The following LRRC4C variants were observed in gnomAD, a reference collection of about 807,000 sequenced individuals.
LRRC4C encodes leucine-rich repeat-containing protein 4C.
Under a neutral mutation model 33.6 loss-of-function variants are expected in LRRC4C, and 5 were observed. The ratio of observed to expected loss-of-function variants is 0.15; its 90% CI spans 0.08 to 0.31. LRRC4C has a LOEUF of 0.31. LRRC4C is among the 10% of genes least tolerant of loss of function. The probability of loss-of-function intolerance (pLI) is 1.00; values close to 1 mark genes in which losing one functional copy is unlikely to be tolerated. For missense variants in LRRC4C, 560 were observed against 796.7 expected, an observed-to-expected ratio of 0.70 and a Z score of 3.58; for synonymous variants, 329 against 302.0, an observed-to-expected ratio of 1.09 and a Z score of -0.93.
chr11:41,317,380 C>G (rs1486638729), intron 1 of LRRC4C, among the ~76,000 whole-genome samples: 1 of 152,018 alleles, frequency 6.6e-6, no homozygotes, highest in South Asian at 2.1e-4. Context: ...GTTTCTTTCC[C>G]TTCTTTTCTA....
chr11:40,852,649 G>A (rs1480058896), intron 2 of LRRC4C, among the ~76,000 whole-genome samples: 1 of 152,046 alleles, frequency 6.6e-6, no homozygotes, highest in African/African-American at 2.4e-5. Context: ...TACTTAAAGG[G>A]AATGAAAATA....
intron 4 of LRRC4C, among the ~76,000 whole-genome samples, chr11:40,312,793 A>C (rs1482952505): frequency 6.6e-6 from 1 of 152,232 alleles, no homozygotes; most frequent in Admixed American, 6.5e-5. Flanking sequence ...AATCTGGATG[A>C]AAATGTAGTC....
chr11:40,927,236 T>C (rs113613076), intron 2 of LRRC4C, among the ~76,000 whole-genome samples: 27 of 152,080 alleles, frequency 1.8e-4, no homozygotes, highest in African/African-American at 6.5e-4. Context: ...TAGCCAGGTG[T>C]GGTGGTGCGC....
At chr11:40,294,353 A>G (rs1028487909) in intron 4 of LRRC4C, among the ~76,000 whole-genome samples, 6 of 152,150 alleles carry the variant, frequency 3.9e-5, no homozygotes, top group Admixed American at 1.3e-4. Flanking sequence ...AGTTTTTTCA[A>G]AAAGCTTGCC....
chr11:41,089,057 T>C (rs1940209919), intron 1 of LRRC4C, among the ~76,000 whole-genome samples: 1 of 152,186 alleles, frequency 6.6e-6, no homozygotes, highest in East Asian at 1.9e-4. Flanking sequence ...AGTATTTATA[T>C]ATTAACATAA....
chr11:40,956,097 G>A (rs1169168628), intron 1 of LRRC4C, among the ~76,000 whole-genome samples: 2 of 151,722 alleles, frequency 1.3e-5, no homozygotes. Flanking sequence ...GCGAGGTTGA[G>A]GGCTCTTGAA....
chr11:40,643,778 T>C (rs1942265374), intron 3 of LRRC4C, among the ~76,000 whole-genome samples: 1 of 152,072 alleles, frequency 6.6e-6, no homozygotes, highest in African/African-American at 2.4e-5. Context: ...TGCCCACTCA[T>C]ATATAAGCAA....
chr11:40,193,794 G>C (rs900247808), intron 5 of LRRC4C, among the ~76,000 whole-genome samples: 1 of 152,072 alleles, frequency 6.6e-6, no homozygotes, highest in African/African-American at 2.4e-5. Context: ...CACAGCACGA[G>C]ACCTTTGTGA....
chr11:40,546,612 C>T (rs1031008091), intron 3 of LRRC4C, among the ~76,000 whole-genome samples: 3 of 151,982 alleles, frequency 2.0e-5, no homozygotes, highest in Admixed American at 2.0e-4. Flanking sequence ...TTCATGGTCA[C>T]CCAACCTACA....
intron 2 of LRRC4C, among the ~76,000 whole-genome samples, chr11:40,779,285 G>T (rs185413732): frequency 6.6e-6 from 1 of 152,262 alleles, no homozygotes; most frequent in East Asian, 1.9e-4. Flanking sequence ...CATAAAAAAT[G>T]AATAGAAGAT....
intron 2 of LRRC4C, among the ~76,000 whole-genome samples, chr11:40,835,065 A>T (rs1016644698): frequency 1.3e-5 from 2 of 152,112 alleles, no homozygotes; most frequent in African/African-American, 4.8e-5. Context: ...CCCAAACTGT[A>T]GGACTATAGT....
At chr11:40,845,865 T>C (rs1443776023) in intron 2 of LRRC4C, among the ~76,000 whole-genome samples, 1 of 152,222 alleles carries the variant, frequency 6.6e-6, no homozygotes, top group Non-Finnish European at 1.5e-5. Flanking sequence ...TGTTTAATCA[T>C]GGCCAATCTA....
chr11:41,283,275 T>C (rs1949725218), intron 1 of LRRC4C, among the ~76,000 whole-genome samples: 1 of 152,190 alleles, frequency 6.6e-6, no homozygotes, highest in Non-Finnish European at 1.5e-5. Flanking sequence ...AAGTAAAAGA[T>C]TCATGTACGA....
At chr11:40,314,615 T>C (rs4755546) in intron 4 of LRRC4C, among the ~76,000 whole-genome samples, 149,831 of 152,248 alleles carry the variant, frequency 0.98, 73,803 homozygotes, top group Middle Eastern at 1. Flanking sequence ...TATTGCAGTA[T>C]TACTGGCAAT....
intron 3 of LRRC4C, among the ~76,000 whole-genome samples, chr11:40,618,174 A>G (rs111312079): frequency 2.7e-4 from 41 of 151,814 alleles, no homozygotes; most frequent in Non-Finnish European, 4.1e-4. Flanking sequence ...AATTGGCTAA[A>G]TTAAAGTGAG....
At chr11:40,777,247 A>C (rs1950036942) in intron 2 of LRRC4C, among the ~76,000 whole-genome samples, 1 of 152,114 alleles carries the variant, frequency 6.6e-6, no homozygotes, top group Non-Finnish European at 1.5e-5. Context: ...CAATTTGTTA[A>C]ATGTTGAACG....
chr11:41,128,817 T>G (rs1368928700), intron 1 of LRRC4C, among the ~76,000 whole-genome samples: 4 of 152,024 alleles, frequency 2.6e-5, no homozygotes, highest in Non-Finnish European at 5.9e-5. Flanking sequence ...TGGTACCATT[T>G]TCACTACTGT....
At chr11:40,735,949 A>C (rs964970362) in intron 2 of LRRC4C, among the ~76,000 whole-genome samples, 5 of 151,742 alleles carry the variant, frequency 3.3e-5, no homozygotes, top group African/African-American at 1.2e-4. Flanking sequence ...TGGCTGCATA[A>C]ATGTCTTCTT....
chr11:40,389,480 AT>A (rs1317934403), intron 3 of LRRC4C, among the ~76,000 whole-genome samples: 1 of 122,568 alleles, frequency 8.2e-6, no homozygotes, highest in Non-Finnish European at 1.8e-5. Context: ...AAAAAAAAAA[AT>A]AATCAAAAAA....
Sources: allele counts gnomAD v4.1 joint callset (sites outside exome capture counted in the v4.1 genomes callset), GRCh38; gene constraint gnomAD v4.1.1; transcripts MANE v1.5; gene names NCBI Gene and HGNC (gene_info 2026-07-23, HGNC 2026-07-21).